Variants in KIF23 observed in about 807,000 individuals in gnomAD.
The protein encoded by KIF23 is kinesin-like protein KIF23.
A neutral mutation model predicts 137.5 loss-of-function variants in KIF23; 30 were observed. The observed-to-expected ratio is 0.22, with a 90% CI of 0.16 to 0.30. The LOEUF (loss-of-function observed/expected upper bound fraction) is 0.30. Among genes scored for constraint, KIF23 ranks in the 10% least tolerant of loss-of-function variants. The pLI is 1.00. For synonymous variants in KIF23, 367 were observed against 391.1 expected, an observed-to-expected ratio of 0.94 and a Z score of 0.73; for missense variants, 920 against 1,194.3, an observed-to-expected ratio of 0.77 and a Z score of 3.38.
intron 23 of KIF23, 62 bp from the exon 24 acceptor site, chr15:69,447,730 T>TC: frequency 6.5e-7 from 1 of 1,528,922 alleles, no homozygotes; most frequent in South Asian, 1.2e-5. Flanking sequence ...TAAAGATTGA[T>TC]TTGCTATGAA....
chr15:69,421,351 G>A (rs1424847707), intron 3 of KIF23, among the ~76,000 whole-genome samples: 1 of 152,102 alleles, frequency 6.6e-6, no homozygotes, highest in Non-Finnish European at 1.5e-5. Flanking sequence ...TTGTGTCATT[G>A]CACTCCAGCC....
At chr15:69,427,203 T>G (rs1186667506) in intron 10 of KIF23, among the ~76,000 whole-genome samples, 3 of 152,224 alleles carry the variant, frequency 2.0e-5, no homozygotes, top group Non-Finnish European at 4.4e-5. Context: ...ATAGGTCATA[T>G]GAAAATACTA....
intron 20 of KIF23, among the ~76,000 whole-genome samples, 172 bp downstream of exon 20, chr15:69,445,213 TG>T (rs756701060): frequency 1.3e-5 from 2 of 152,314 alleles, no homozygotes; most frequent in East Asian, 3.9e-4. Flanking sequence ...GTTTTAAGTC[TG>T]CCAAACTGGG....
At chr15:69,440,232 TAA>T (rs1301243091) in intron 17 of KIF23, 74 bp from the exon 18 acceptor site, 2 of 1,525,932 alleles carry the variant, frequency 1.3e-6, no homozygotes, top group Non-Finnish European at 1.8e-6. Flanking sequence ...TTTTAGGAAA[TAA>T]AGAGATTGGG....
At chr15:69,434,496 T>C (rs973769343) in intron 11 of KIF23, 2 of 667,808 alleles carry the variant, frequency 3.0e-6, no homozygotes, top group Admixed American at 2.0e-5. Context: ...TTCAATCTCA[T>C]ACTGACCACG....
Position 69,445,919 on chromosome 15 carries a change from A to G in KIF23, c.2674-90A>G. ...TTTTGTGGATGGGAATTTCTATAAA[A>G]TAGAATCATGAGAACAGTTTGAAAT... On this transcript the variant is annotated intron_variant, in intron 20 of 23. Coordinates refer to ENST00000679126, the MANE Select transcript of KIF23 (RefSeq NM_001367805.3). 3 of 939,990 alleles carry G rather than the reference A, an allele frequency of 3.2e-6. No individual in the cohort carries two copies. The South Asian group carries it at 4.5e-5, about 14-fold the overall frequency. 58.2% of individuals were successfully genotyped at this position (939,990 alleles called of 1,614,324 possible).
Position 69,419,263 on chromosome 15 carries a change from A to G in KIF23, c.210+1752A>G, listed in dbSNP as rs552674693. Among the ~76,000 whole-genome samples, 5 of 151,772 alleles carry G rather than the reference A, an allele frequency of 3.3e-5. No homozygotes were observed. The East Asian group carries it at 5.8e-4, about 18-fold the overall frequency. ...AGACTTCCAAAGCCCAACTGCCTCC[A>G]CTTGGAATCTTCTCTAATCCATTTC... On this transcript the variant is annotated intron_variant, in intron 3 of 23. Transcript: ENST00000679126.
intron 11 of KIF23, chr15:69,434,640 A>G: frequency 6.8e-7 from 1 of 1,461,456 alleles, no homozygotes; most frequent in Non-Finnish European, 9.5e-7. Context: ...GGGATGGAAA[A>G]AGTCATGGAG....
chr15:69,431,996 C>G (rs2057366279), intron 11 of KIF23, among the ~76,000 whole-genome samples: 1 of 152,170 alleles, frequency 6.6e-6, no homozygotes, highest in African/African-American at 2.4e-5. Context: ...CTGTCAATGT[C>G]TACCCAGTGC....
In KIF23 at chr15:69,440,776, T is replaced by C. The variant is rs773602973; in HGVS notation, c.2118T>C (p.Ser706=). Residue 706 remains serine (S), a synonymous_variant, in exon 19 of 24, where the codon AGT becomes AGC. Transcript: ENST00000679126. ...SVSPSPVPLS[S]NYIAQISNGQ... The stretch of plus-strand genomic sequence containing the variant: ...TTCTCCAATTTTTCTAGCTTTCTAG[T>C]AACTATATTGCTCAGATTTCCAACG... 15 of 1,596,452 alleles carry C rather than the reference T, an allele frequency of 9.4e-6. No homozygotes were observed. Among genetic ancestry groups the C allele is most frequent in the African/African-American group, 1.3e-5 (1 of 74,376 alleles).
In KIF23 at chr15:69,444,590, T is replaced by C. The variant is rs1456972156; in HGVS notation, c.2422-200T>C. The stretch of plus-strand genomic sequence containing the variant: ...CTTTATTGAAAGGGAAACTCCCAGA[T>C]AGAATGTGTAACATACAAGTTGGTG... On this transcript the variant is annotated intron_variant, in intron 19 of 23. Transcript: ENST00000679126. This position sits in a 1 kb window ranked among gnomAD's most constrained non-coding sequence, Gnocchi z 4.2. The C allele has an allele frequency of 1.6e-5, 9 of 561,196 alleles. No individual in the cohort carries two copies. Among genetic ancestry groups the C allele is most frequent in the Non-Finnish European group, 2.7e-5 (9 of 327,396 alleles). The allele number at this position is 561,196 out of a possible 1,614,324, so 34.8% of individuals were successfully genotyped here.
At chr15:69,432,059 TC>T (rs1186971890) in intron 11 of KIF23, among the ~76,000 whole-genome samples, 6 of 152,142 alleles carry the variant, frequency 3.9e-5, no homozygotes, top group Non-Finnish European at 7.3e-5. Flanking sequence ...CGGAGCAAGA[TC>T]CTGGAAGAGG....
intron 20 of KIF23, among the ~76,000 whole-genome samples, chr15:69,445,255 T>C (rs1218479971): frequency 1.3e-5 from 2 of 152,214 alleles, no homozygotes; most frequent in African/African-American, 4.8e-5. Flanking sequence ...GTATAGATTC[T>C]TCGGTTTCTT....
intron 11 of KIF23, among the ~76,000 whole-genome samples, chr15:69,433,387 C>G (rs1235323242): frequency 6.6e-6 from 1 of 152,178 alleles, no homozygotes; most frequent in East Asian, 1.9e-4. Flanking sequence ...TTAGACTTGC[C>G]TTGGCTCAGA....
At chr15:69,420,153 A>G (rs965293038) in intron 3 of KIF23, among the ~76,000 whole-genome samples, 12 of 152,078 alleles carry the variant, frequency 7.9e-5, no homozygotes. Flanking sequence ...AATCACAGCT[A>G]CTCGGGAGGC....
At chr15:69,425,188 T>C in intron 7 of KIF23, 94 bp from the exon 8 acceptor site, 1 of 892,956 alleles carries the variant, frequency 1.1e-6, no homozygotes, top group East Asian at 2.7e-5. Flanking sequence ...TTTTAAGATA[T>C]GACTCATTGT....
At position 69,441,071 on chromosome 15, in the gene KIF23, T is replaced by A; in HGVS notation, c.2413T>A (p.Cys805Ser). ...RNEIEIEEDHCGRLLFQPDQN... is the reference protein window; with the variant it reads ...RNEIEIEEDHSGRLLFQPDQN... ...TGAGATAGAAATAGAAGAGGATCAT[T>A]GCGGCAGGGTTAGTGCCAGTATTAT... The change falls in exon 19 of 24, where the codon TGC becomes AGC. Residue 805 changes from cysteine to serine, a missense_variant. This residue lies in a region of KIF23 where 714 missense variants were observed against 866.2 expected (regional missense o/e 0.82). Coordinates refer to ENST00000679126, the MANE Select transcript of KIF23 (RefSeq NM_001367805.3). 6.2e-7 allele frequency: 1 copy of A among 1,609,904 alleles called. No individual in the cohort carries two copies. The highest frequency in any genetic ancestry group is 8.5e-7 in the Non-Finnish European group (1 of 1,176,754).
Position 69,429,019 on chromosome 15 carries a change from T to A in KIF23, c.1012-92T>A, listed in dbSNP as rs573728054. ...GCATTTTGTACTGTGCAAATGTTCATTAAGACTTAGCTTGTTGATATGAAT... is the reference window on the plus strand; with the variant it reads ...GCATTTTGTACTGTGCAAATGTTCAATAAGACTTAGCTTGTTGATATGAAT... On this transcript the variant is annotated intron_variant, in intron 10 of 23. Transcript: ENST00000679126. 4.7e-5 allele frequency: 40 copies of A among 843,704 alleles called. No individual in the cohort carries two copies. The African/African-American group carries it at 6.7e-4, about 14-fold the overall frequency. 52.3% of individuals were successfully genotyped at this position (843,704 alleles called of 1,614,324 possible).
chr15:69,439,222 G>T (rs2057555112), intron 16 of KIF23, among the ~76,000 whole-genome samples: 1 of 152,040 alleles, frequency 6.6e-6, no homozygotes, highest in South Asian at 2.1e-4. Context: ...AGTTGAAAAG[G>T]ATGTTCTCTG....
Sources: allele counts gnomAD v4.1 joint callset (sites outside exome capture counted in the v4.1 genomes callset), GRCh38; gene constraint gnomAD v4.1.1; regional missense constraint gnomAD v4.1.1; non-coding constraint Gnocchi (gnomAD v3.1); transcripts MANE v1.5; gene names NCBI Gene and HGNC (gene_info 2026-07-23, HGNC 2026-07-21).